LIMS1: variants seen among roughly 807,000 people sequenced by gnomAD.
The protein encoded by LIMS1 is LIM zinc finger domain containing 1.
In LIMS1, 18 loss-of-function variants were observed where a neutral mutation model predicts 44.1. The observed-to-expected ratio is 0.41, with a 90% confidence interval of 0.28 to 0.61. LIMS1 has a LOEUF of 0.61. Ranked by LOEUF, LIMS1 falls within the 20% of genes least tolerant of loss-of-function variation. The pLI is 0.32. For synonymous variants in LIMS1, 93 were observed against 149.1 expected, an observed-to-expected ratio of 0.62 and a Z score of 2.74; for missense variants, 201 against 422.0, an observed-to-expected ratio of 0.48 and a Z score of 4.59.
At chr2:108,663,853 C>A (rs570608993) in intron 2 of LIMS1, among the ~76,000 whole-genome samples, 2 of 152,016 alleles carry the variant, frequency 1.3e-5, no homozygotes, top group Non-Finnish European at 2.9e-5. Context: ...CTTGCGGCCT[C>A]GAGTGCTTCT....
At chr2:108,679,130 T>A (rs1006602901) in intron 8 of LIMS1, among the ~76,000 whole-genome samples, 42 of 152,104 alleles carry the variant, frequency 2.8e-4, no homozygotes, top group African/African-American at 9.4e-4. Context: ...AATGACTATT[T>A]ACATATCATT....
intron 1 of LIMS1, among the ~76,000 whole-genome samples, chr2:108,650,015 G>T (rs1252600809): frequency 6.6e-6 from 1 of 152,112 alleles, no homozygotes; most frequent in Non-Finnish European, 1.5e-5. Context: ...CGCCCTTAGG[G>T]AATTGAGGAC....
At chr2:108,539,784 G>T (rs892008836) in intron 1 of LIMS1, among the ~76,000 whole-genome samples, 1 of 152,088 alleles carries the variant, frequency 6.6e-6, no homozygotes, top group Non-Finnish European at 1.5e-5. Context: ...GCTCAATGAA[G>T]TCATCATTTC....
At chr2:108,569,897 A>G (rs1241627812) in intron 1 of LIMS1, among the ~76,000 whole-genome samples, 2 of 151,360 alleles carry the variant, frequency 1.3e-5, no homozygotes, top group African/African-American at 2.4e-5. Context: ...CACTGTGCTC[A>G]GCCATCATGC....
chr2:108,583,696 G>GTTTTTT (rs1173307399), intron 1 of LIMS1, among the ~76,000 whole-genome samples: 4 of 90,740 alleles, frequency 4.4e-5, no homozygotes, highest in South Asian at 4.0e-4. Flanking sequence ...TGTTGTTGCT[G>GTTTTTT]TTTCTTTTTT....
At chr2:108,662,374 T>C in intron 2 of LIMS1, 1 of 1,593,392 alleles carries the variant, frequency 6.3e-7, no homozygotes, top group Non-Finnish European at 8.6e-7. Flanking sequence ...CAGTGAAGAA[T>C]AAAGTGTGAC....
chr2:108,603,151 A>G (rs142777732), intron 1 of LIMS1, among the ~76,000 whole-genome samples: 1 of 152,176 alleles, frequency 6.6e-6, no homozygotes, highest in African/African-American at 2.4e-5. Flanking sequence ...GCCTTGTAGA[A>G]TGAGTTTGGA....
chr2:108,621,464 G>C lies in LIMS1; in HGVS notation c.33-38141G>C, dbSNP rs764064239. On this transcript the variant is annotated intron_variant, in intron 1 of 9. Coordinates refer to ENST00000544547, the Ensembl canonical transcript of LIMS1. ...GGGTTACCAGAGGAAGAGCTAAGGT[G>C]AGTGCAAAGTCATGGTTGGCTAAAG... The C allele has an allele frequency of 3.9e-6, 6 of 1,548,424 alleles. No individual in the cohort carries two copies. The Admixed American group carries it at 5.9e-5, about 15-fold the overall frequency.
chr2:108,646,950 T>C (rs1482922396), intron 1 of LIMS1, among the ~76,000 whole-genome samples: 1 of 152,150 alleles, frequency 6.6e-6, no homozygotes, highest in Non-Finnish European at 1.5e-5. Context: ...CTCGATCTCC[T>C]GATCTCGTGA....
At chr2:108,621,156 C>T (rs1688212678) in intron 1 of LIMS1, 1 of 920,756 alleles carries the variant, frequency 1.1e-6, no homozygotes, top group Non-Finnish European at 1.5e-6. Context: ...AGAGATAAGG[C>T]AAGTTGTGCC....
chr2:108,633,374 T>G (rs1301978169), intron 1 of LIMS1, among the ~76,000 whole-genome samples: 1 of 152,260 alleles, frequency 6.6e-6, no homozygotes, highest in African/African-American at 2.4e-5. Context: ...TTATTGACTT[T>G]TTATACAACC....
At chr2:108,624,072 T>C (rs766921092) in intron 1 of LIMS1, among the ~76,000 whole-genome samples, 42 of 152,344 alleles carry the variant, frequency 2.8e-4, no homozygotes, top group Middle Eastern at 3.4e-3. Flanking sequence ...ACATACTTTG[T>C]ACAGTGGAGC....
chr2:108,660,819 G>A (rs949436778), intron 2 of LIMS1: 6 of 166,736 alleles, frequency 3.6e-5, no homozygotes, highest in African/African-American at 1.2e-4. Context: ...TGAGGTGTAT[G>A]TGTGTGTTAG....
intron 1 of LIMS1, among the ~76,000 whole-genome samples, chr2:108,645,663 C>T (rs549023000): frequency 2.6e-5 from 4 of 152,040 alleles, no homozygotes; most frequent in Non-Finnish European, 4.4e-5. Flanking sequence ...TAAATGTAAA[C>T]GGGCTAAATG....
At chr2:108,560,221 G>C (rs1271165147) in intron 1 of LIMS1, among the ~76,000 whole-genome samples, 1 of 152,096 alleles carries the variant, frequency 6.6e-6, no homozygotes, top group African/African-American at 2.4e-5. Flanking sequence ...CCCCTCGCCA[G>C]CTCCAGTCTA....
rs142476862 is a variant in LIMS1 at position 108,579,065 on chromosome 2, C to G, written c.32+44471C>G. Among the ~76,000 whole-genome samples, 670 of 152,240 alleles carry G rather than the reference C, an allele frequency of 4.4e-3. 4 individuals carry two copies. Among genetic ancestry groups the G allele is most frequent in the South Asian group, 0.014 (68 of 4,824 alleles). On this transcript the variant is annotated intron_variant, in intron 1 of 9. Coordinates refer to ENST00000544547, the Ensembl canonical transcript of LIMS1. ...ATTCATGGGATTTTGTAGGCAGTTT[C>G]ATGCCAAAGTGTTGTGTTTTCCAAA...
chr2:108,642,431 C>T (rs1466286483), intron 1 of LIMS1, among the ~76,000 whole-genome samples: 1 of 145,906 alleles, frequency 6.9e-6, no homozygotes, highest in African/African-American at 2.6e-5. Context: ...GCGATCTCGG[C>T]TCACTGCAAG....
At chr2:108,578,219 G>C (rs919139118) in intron 1 of LIMS1, among the ~76,000 whole-genome samples, 7 of 152,094 alleles carry the variant, frequency 4.6e-5, no homozygotes, top group African/African-American at 1.7e-4. Context: ...TGTATGTTTT[G>C]ATACTATAGA....
intron 1 of LIMS1, among the ~76,000 whole-genome samples, chr2:108,536,156 C>T (rs778329398): frequency 2.0e-5 from 3 of 152,160 alleles, no homozygotes; most frequent in South Asian, 2.1e-4. Context: ...AGTGTCTCTC[C>T]GCATCCTATC....
Sources: allele counts gnomAD v4.1 joint callset (sites outside exome capture counted in the v4.1 genomes callset), GRCh38; gene constraint gnomAD v4.1.1; transcripts MANE v1.5; gene names NCBI Gene and HGNC (gene_info 2026-07-23, HGNC 2026-07-21).